Variants in SSBP2 observed in about 807,000 individuals in gnomAD.
SSBP2 encodes the protein single stranded DNA binding protein 2.
SSBP2 carries 17 observed loss-of-function variants against 61.8 expected under a neutral mutation model. That is an observed-to-expected ratio of 0.28 (90% confidence interval 0.19 to 0.41). The LOEUF (loss-of-function observed/expected upper bound fraction) is 0.41. Ranked by LOEUF, SSBP2 falls within the 10% of genes least tolerant of loss-of-function variation. The pLI is 1.00. For missense variants in SSBP2, 310 were observed against 458.7 expected (o/e 0.68, Z 2.96); for synonymous variants, 139 against 141.3 (o/e 0.98, Z 0.12).
intron 4 of SSBP2, among the ~76,000 whole-genome samples, chr5:81,558,313 T>C (rs1242554621): frequency 6.6e-6 from 1 of 152,198 alleles, no homozygotes; most frequent in Non-Finnish European, 1.5e-5. Flanking sequence ...TAAACATTTA[T>C]TTCTGTCAGT....
intron 5 of SSBP2, among the ~76,000 whole-genome samples, chr5:81,501,316 G>T (rs1767745021): frequency 8.1e-6 from 1 of 123,984 alleles, no homozygotes; most frequent in African/African-American, 2.9e-5. Flanking sequence ...CATACATTTT[G>T]AAATATATGC....
intron 3 of SSBP2, among the ~76,000 whole-genome samples, chr5:81,626,441 A>G (rs1028869078): frequency 2.0e-5 from 3 of 152,196 alleles, no homozygotes; most frequent in African/African-American, 7.2e-5. Context: ...ACAGTGGCAG[A>G]GCTGGGCTTG....
At chr5:81,693,202 T>TAAAAAAAAAAAAA (rs34403567) in intron 1 of SSBP2, among the ~76,000 whole-genome samples, 2 of 116,148 alleles carry the variant, frequency 1.7e-5, no homozygotes. Context: ...GACTTTGTCT[T>TAAAAAAAAAAAAA]AAAAAAAAAA....
intron 1 of SSBP2, among the ~76,000 whole-genome samples, chr5:81,681,087 A>T (rs1752346609): frequency 6.6e-6 from 1 of 152,222 alleles, no homozygotes; most frequent in Non-Finnish European, 1.5e-5. Flanking sequence ...CAGACACAAA[A>T]GAATTAAACT....
chr5:81,516,311 T>G lies in SSBP2; in HGVS notation c.283-2594A>C, dbSNP rs139171275. ...TTGTGGAAGTTCCTCTTTCTTAATA[T>G]TCATACTTTAGGCACAACAAGAGAA... On this transcript the variant is annotated intron_variant, in intron 4 of 16. Transcript: ENST00000320672. Among the ~76,000 whole-genome samples, 240 of 152,212 alleles carry G rather than the reference T, an allele frequency of 1.6e-3. 1 individual carries two copies. The highest frequency in any genetic ancestry group is 5.6e-3 in the African/African-American group (232 of 41,560).
chr5:81,751,212 C>T (rs2154040613), upstream of SSBP2: 2 of 700,104 alleles, frequency 2.9e-6, no homozygotes, highest in South Asian at 3.5e-5. Flanking sequence ...ACAGGCCTCC[C>T]CCTCCCTCTG....
At chr5:81,575,337 C>T (rs1228721640) in intron 4 of SSBP2, among the ~76,000 whole-genome samples, 2 of 151,988 alleles carry the variant, frequency 1.3e-5, no homozygotes, top group African/African-American at 2.4e-5. Flanking sequence ...AATGATGGCT[C>T]GTGGAGTTTA....
intron 1 of SSBP2, among the ~76,000 whole-genome samples, chr5:81,702,258 CT>C (rs1354324641): frequency 6.6e-5 from 10 of 152,120 alleles, no homozygotes; most frequent in African/African-American, 2.4e-4. Context: ...GTAGTCCCAG[CT>C]ACTCAGGAGG....
chr5:81,420,245 C>T lies in SSBP2; in HGVS notation c.*259G>A, dbSNP rs1580628779. 2.0e-6 allele frequency: 1 copy of T among 508,676 alleles called. No individual in the cohort carries two copies. Among genetic ancestry groups the T allele is most frequent in the East Asian group, 3.2e-5 (1 of 31,600 alleles). 31.5% of individuals were successfully genotyped at this position (508,676 alleles called of 1,614,324 possible). On this transcript the variant is annotated 3_prime_UTR_variant, in exon 17 of 17. Transcript: ENST00000320672. ...TACACATATACAGTACATTCTCTTT[C>T]CCACACATATACATACACACATAAT...
intron 3 of SSBP2, among the ~76,000 whole-genome samples, chr5:81,624,128 TC>T (rs1378504959): frequency 3.3e-5 from 5 of 152,172 alleles, no homozygotes; most frequent in African/African-American, 4.8e-5. Context: ...GCCCTACTCA[TC>T]AGGAGAGTTT....
intron 4 of SSBP2, among the ~76,000 whole-genome samples, chr5:81,592,873 C>A (rs1216297564): frequency 6.6e-6 from 1 of 152,096 alleles, no homozygotes; most frequent in Non-Finnish European, 1.5e-5. Flanking sequence ...AAGGTGGATA[C>A]AACCACAAAG....
rs115798257 is a variant in SSBP2, at chr5:81,571,676, T to G, written c.282+43797A>C. Among the ~76,000 whole-genome samples, 916 of 152,286 alleles carry G rather than the reference T, an allele frequency of 6.0e-3. 8 individuals carry two copies. Among genetic ancestry groups the G allele is most frequent in the African/African-American group, 0.021 (856 of 41,564 alleles). On this transcript the variant is annotated intron_variant, in intron 4 of 16. Coordinates refer to ENST00000320672, the MANE Select transcript of SSBP2 (RefSeq NM_012446.5). Reference sequence around the variant, plus strand: ...AGATACATAAAATTGATGAGGTACATGAAAGATTCGCTTACCTTTTTAATT... The same window carrying G: ...AGATACATAAAATTGATGAGGTACAGGAAAGATTCGCTTACCTTTTTAATT...
chr5:81,483,829 C>A lies in SSBP2; in HGVS notation c.432+5421G>T, dbSNP rs564374707. 6.6e-5 allele frequency among the ~76,000 whole-genome samples: 10 copies of A among 152,066 alleles called. No homozygotes were observed. The East Asian group carries it at 1.3e-3, about 21-fold the overall frequency. On this transcript the variant is annotated intron_variant, in intron 6 of 16. Transcript: ENST00000320672. ...CTATATTTCAACAACTGCAACTGTG[C>A]TGTTCAAATTAAAAGCTCTTTACCA...
chr5:81,562,509 G>C (rs190784812), intron 4 of SSBP2, among the ~76,000 whole-genome samples: 2 of 151,992 alleles, frequency 1.3e-5, no homozygotes, highest in East Asian at 3.9e-4. Context: ...CAAACCATAA[G>C]AACAATCGAT....
At position 81,722,085 on chromosome 5, in the gene SSBP2, TATGCCAGGTCCTATATTATTCATTTGA is replaced by T. The variant is rs779036038; in HGVS notation, c.62+28869_62+28895del. On this transcript the variant is annotated intron_variant, in intron 1 of 16. Transcript: ENST00000320672. Reference sequence around the variant, plus strand: ...ACTAACATCTACTGCCCAAATGCTATATGCCAGGTCCTATATTATTCATTTGAATTTTCTAAAAGATTTTACAAAATG... The same window carrying T: ...ACTAACATCTACTGCCCAAATGCTATATTTTCTAAAAGATTTTACAAAATG... Among the ~76,000 whole-genome samples, 5 of 152,236 alleles carry T rather than the reference TATGCCAGGTCCTATATTATTCATTTGA, an allele frequency of 3.3e-5. No individual in the cohort carries two copies. In the East Asian group the frequency reaches 9.6e-4, roughly 29 times the overall value.
rs937172628 is a variant in SSBP2, at chr5:81,559,335, C to T, written c.283-45618G>A. 4.0e-4 allele frequency among the ~76,000 whole-genome samples: 59 copies of T among 148,628 alleles called. 1 individual carries two copies. The highest frequency in any genetic ancestry group is 1.4e-3 in the African/African-American group (56 of 40,040). ...CCGGGAAGCGGAGGTTGCAGTGAGC[C>T]GAGACTGCGCCATTGCACTCCAGCC... On this transcript the variant is annotated intron_variant, in intron 4 of 16. Transcript: ENST00000320672.
chr5:81,434,297 G>A (rs1176577110), intron 15 of SSBP2, among the ~76,000 whole-genome samples: 1 of 152,050 alleles, frequency 6.6e-6, no homozygotes, highest in Non-Finnish European at 1.5e-5. Context: ...ACTGGTGCTT[G>A]ACAAAATACA....
intron 4 of SSBP2, among the ~76,000 whole-genome samples, chr5:81,538,156 G>A (rs1770961931): frequency 6.6e-6 from 1 of 152,106 alleles, no homozygotes; most frequent in Non-Finnish European, 1.5e-5. Context: ...GTTCTTGAAG[G>A]AAATTAAAAG....
intron 1 of SSBP2, among the ~76,000 whole-genome samples, chr5:81,685,184 G>C (rs1471191900): frequency 6.6e-6 from 1 of 152,056 alleles, no homozygotes; most frequent in Non-Finnish European, 1.5e-5. Context: ...CATGCTTCCT[G>C]TTAAGTCTGC....
Sources: gnomAD v4.1 joint callset for allele counts (sites outside exome capture counted in the v4.1 genomes callset) on GRCh38, gnomAD v4.1.1 for gene constraint, MANE v1.5 for transcripts, NCBI Gene and HGNC (gene_info 2026-07-23, HGNC 2026-07-21) for gene names.